Variants in FAM184A observed in about 807,000 individuals in gnomAD.
FAM184A encodes protein FAM184A.
FAM184A carries 99 observed loss-of-function variants against 143.8 expected under a neutral mutation model. That is an observed-to-expected ratio of 0.69 (90% CI 0.58 to 0.81). The LOEUF is 0.81. FAM184A is among the 40% of genes least tolerant of loss of function. The probability of loss-of-function intolerance (pLI) is 0.00; values close to 1 mark genes in which losing one functional copy is unlikely to be tolerated. For missense variants in FAM184A, 1,217 were observed against 1,310.5 expected, an observed-to-expected ratio of 0.93 and a Z score of 1.10; for synonymous variants, 427 against 446.4, an observed-to-expected ratio of 0.96 and a Z score of 0.55.
Position 119,078,096 on chromosome 6 carries a change from C to T in FAM184A, c.159+45G>A. The T allele has an allele frequency of 6.5e-7, 1 of 1,542,584 alleles. No homozygotes were observed. Among genetic ancestry groups the T allele is most frequent in the Non-Finnish European group, 8.7e-7 (1 of 1,148,696 alleles). On this transcript the variant is annotated intron_variant, in intron 1 of 17. Transcript: ENST00000338891. This position sits in a 1 kb window ranked among gnomAD's most constrained non-coding sequence, Gnocchi z 5.5. The stretch of plus-strand genomic sequence containing the variant: ...CCCGGGGAGACAGGTGAGTCCGGCG[C>T]GGCCCGCACGGGGTCGCCACCTGCC...
chr6:119,018,104 A>G (rs1785324922), intron 4 of FAM184A, among the ~76,000 whole-genome samples: 1 of 152,190 alleles, frequency 6.6e-6, no homozygotes, highest in South Asian at 2.1e-4. Flanking sequence ...ACAGCAATGC[A>G]AAATGAACTA....
In FAM184A at chr6:119,142,382, A is replaced by G. The variant is rs114067895; in HGVS notation, c.-202+6696T>C. Among the ~76,000 whole-genome samples, 111 of 152,332 alleles carry G rather than the reference A, an allele frequency of 7.3e-4. 1 individual carries two copies. The highest frequency in any genetic ancestry group is 2.6e-3 in the African/African-American group (108 of 41,566). On this transcript the variant is annotated intron_variant, in intron 1 of 16. Coordinates refer to the FAM184A transcript ENST00000352896. Reference sequence around the variant, plus strand: ...ATGCAGCAGAGGGTGTATTCTTCAGAGACCAAAGGCCACAACAATTAGAAA... The same window carrying G: ...ATGCAGCAGAGGGTGTATTCTTCAGGGACCAAAGGCCACAACAATTAGAAA...
At chr6:119,006,655 A>G in intron 6 of FAM184A, 47 bp from the exon 7 acceptor site, 1 of 1,377,442 alleles carries the variant, frequency 7.3e-7, no homozygotes. Flanking sequence ...GTAATAGAAT[A>G]GCAAAATAGT....
At position 119,002,953 on chromosome 6, in the gene FAM184A, C is replaced by T; in HGVS notation, c.2034G>A (p.Glu678=). 2 of 1,612,588 alleles carry T rather than the reference C, an allele frequency of 1.2e-6. No individual in the cohort carries two copies. The highest frequency in any genetic ancestry group is 8.5e-7 in the Non-Finnish European group (1 of 1,179,544). The part of the protein sequence containing the change: ...MSQLLQLKDR[E]KNAARDSWQK... The stretch of plus-strand genomic sequence containing the variant: ...GCCATGAATCTCTTGCTGCATTTTT[C>T]TCTCGATCTTTCAACTGCAAAAGTT... Residue 678 remains glutamate (E), a synonymous_variant, in exon 9 of 18, where the codon GAG becomes GAA. Transcript: ENST00000338891.
Position 118,961,937 on chromosome 6 carries a change from T to C in FAM184A, c.3165A>G (p.Pro1055=). Reference sequence around the variant, plus strand: ...TGGGAACACTCACAAACCTGTTTGTTGGTGATTTATCATTCTTCTTCTTTT... The same window carrying C: ...TGGGAACACTCACAAACCTGTTTGTCGGTGATTTATCATTCTTCTTCTTTT... The part of the protein sequence containing the change: ...AKQKKKNDKS[P]TNRFVSVPNL... The change falls in exon 17 of 18, where the codon CCA becomes CCG. Residue 1055 remains proline (P), a synonymous_variant. Coordinates refer to ENST00000338891, the MANE Select transcript of FAM184A (RefSeq NM_024581.6). 6.2e-7 allele frequency: 1 copy of C among 1,613,894 alleles called. No homozygotes were observed. Among genetic ancestry groups the C allele is most frequent in the Non-Finnish European group, 8.5e-7 (1 of 1,179,824 alleles).
At chr6:119,055,475 A>G (rs780589628) in intron 1 of FAM184A, among the ~76,000 whole-genome samples, 2 of 152,226 alleles carry the variant, frequency 1.3e-5, no homozygotes, top group Non-Finnish European at 2.9e-5. Context: ...CTGTTTACCA[A>G]AGTGACTGAC....
Position 119,078,230 on chromosome 6 carries a change from G to A in FAM184A, c.70C>T (p.Pro24Ser). ...GGSAAKFAPS[P>S]ATAQLAGHSM... ...TGCCCAGCCAGCTGTGCGGTGGCCG[G>A]CGAGGGCGCGAATTTGGCCGCCGAG... Residue 24 changes from proline to serine, a missense_variant, in exon 1 of 18, where the codon CCG becomes TCG. Coordinates refer to ENST00000338891, the MANE Select transcript of FAM184A (RefSeq NM_024581.6). The surrounding 1 kb of genome is among the most constrained non-coding windows in gnomAD (Gnocchi z 5.5). The A allele has an allele frequency of 2.0e-6, 3 of 1,537,948 alleles. No homozygotes were observed. The highest frequency in any genetic ancestry group is 2.6e-6 in the Non-Finnish European group (3 of 1,145,712).
intron 1 of FAM184A, among the ~76,000 whole-genome samples, chr6:119,115,814 A>C (rs1789043462): frequency 1.3e-5 from 2 of 151,616 alleles, no homozygotes; most frequent in Admixed American, 1.3e-4. Flanking sequence ...AATACAAAAA[A>C]AAAAAATAGC....
intron 1 of FAM184A, among the ~76,000 whole-genome samples, chr6:119,068,529 T>A (rs546542228): frequency 6.6e-6 from 1 of 152,168 alleles, no homozygotes; most frequent in South Asian, 2.1e-4. Flanking sequence ...CAGCCCTGAG[T>A]GGTTAAAATA....
At chr6:119,065,469 T>C (rs1294415175) in intron 1 of FAM184A, among the ~76,000 whole-genome samples, 1 of 152,234 alleles carries the variant, frequency 6.6e-6, no homozygotes, top group Middle Eastern at 3.2e-3. Context: ...CACTTGCTGT[T>C]TTAAGCTGCC....
At chr6:119,130,754 T>C (rs1422028472) in intron 1 of FAM184A, among the ~76,000 whole-genome samples, 1 of 152,198 alleles carries the variant, frequency 6.6e-6, no homozygotes, top group Non-Finnish European at 1.5e-5. Flanking sequence ...AAACTCTAGT[T>C]TGAATATCAA....
At chr6:118,971,982 G>A (rs1374129949) in intron 14 of FAM184A, among the ~76,000 whole-genome samples, 1 of 152,154 alleles carries the variant, frequency 6.6e-6, no homozygotes, top group Non-Finnish European at 1.5e-5. Context: ...GGACTCTTCT[G>A]ATTTCAAAGT....
At chr6:119,148,877 T>C (rs966704525) in intron 1 of FAM184A, among the ~76,000 whole-genome samples, 1 of 152,048 alleles carries the variant, frequency 6.6e-6, no homozygotes, top group Admixed American at 6.5e-5. Context: ...CTTATTTTGC[T>C]CAGGATTCTT....
intron 1 of FAM184A, among the ~76,000 whole-genome samples, chr6:119,122,648 G>C (rs1035795392): frequency 6.6e-6 from 1 of 152,020 alleles, no homozygotes; most frequent in Non-Finnish European, 1.5e-5. Context: ...TGGGAGGGGC[G>C]CGGTGGCTCC....
At chr6:119,062,444 G>T (rs1787295163) in intron 1 of FAM184A, among the ~76,000 whole-genome samples, 1 of 152,076 alleles carries the variant, frequency 6.6e-6, no homozygotes, top group South Asian at 2.1e-4. Context: ...CAGGCAGATT[G>T]CTTGAGCCCT....
intron 1 of FAM184A, among the ~76,000 whole-genome samples, chr6:119,108,127 T>TGTGTGTGTGTGTGTGTGTGTG (rs1788836222): frequency 3.9e-5 from 1 of 25,460 alleles, no homozygotes; most frequent in African/African-American, 2.3e-4. Flanking sequence ...AAGCACTTGT[T>TGTGTGTGTGTGTGTGTGTGTG]AGTGTGTGTG....
At chr6:119,132,586 T>G (rs113021190) in intron 1 of FAM184A, among the ~76,000 whole-genome samples, 1 of 152,252 alleles carries the variant, frequency 6.6e-6, no homozygotes, top group South Asian at 2.1e-4. Context: ...TTGCAAATTT[T>G]TTTAAAAAAC....
intron 1 of FAM184A, among the ~76,000 whole-genome samples, chr6:119,077,653 T>C (rs1582593635): frequency 1.3e-5 from 2 of 152,186 alleles, no homozygotes; most frequent in Admixed American, 6.5e-5. Context: ...ATGCCCCAAA[T>C]TGGCACTCAA....
intron 1 of FAM184A, among the ~76,000 whole-genome samples, chr6:119,094,005 C>T (rs1379749697): frequency 7.2e-6 from 1 of 137,956 alleles, no homozygotes; most frequent in African/African-American, 2.7e-5. Context: ...TCCCTCCCCT[C>T]CCCTCCCTCC....
Sources: allele counts gnomAD v4.1 joint callset (sites outside exome capture counted in the v4.1 genomes callset), GRCh38; gene constraint gnomAD v4.1.1; non-coding constraint Gnocchi (gnomAD v3.1); transcripts MANE v1.5; gene names NCBI Gene and HGNC (gene_info 2026-07-23, HGNC 2026-07-21).